Variants in PROK1 observed in about 807,000 individuals in gnomAD.
The protein encoded by PROK1 is prokineticin 1.
In PROK1, 10 loss-of-function variants were observed where a neutral mutation model predicts 8.8. The ratio of observed to expected loss-of-function variants is 1.13; its 90% confidence interval spans 0.70 to 1.92. The LOEUF (loss-of-function observed/expected upper bound fraction) is 1.92. PROK1 is among the 30% of genes most tolerant of loss of function. The pLI is 0.00. For synonymous variants in PROK1, 57 were observed against 56.0 expected, an observed-to-expected ratio of 1.02 and a Z score of -0.08; for missense variants, 140 against 139.7, an observed-to-expected ratio of 1.00 and a Z score of -0.01.
At chr1:110,455,286 T>G (rs1481746743) in intron 2 of PROK1, among the ~76,000 whole-genome samples, 1 of 152,236 alleles carries the variant, frequency 6.6e-6, no homozygotes, top group East Asian at 1.9e-4. Flanking sequence ...CTTTCAGGCT[T>G]ACCAGCTGTC....
At position 110,456,802 on chromosome 1, in the gene PROK1, G is replaced by A. The variant is rs1664180942; in HGVS notation, c.*451G>A. The A allele has an allele frequency of 7.9e-6, 2 of 252,940 alleles. No individual in the cohort carries two copies. The highest frequency in any genetic ancestry group is 9.4e-5 in the East Asian group (1 of 10,614). 15.7% of individuals were successfully genotyped at this position (252,940 alleles called of 1,614,324 possible). A position where few individuals can be genotyped will look rare whatever the true frequency, so the allele number is the denominator to read the frequency against. On this transcript the variant is annotated 3_prime_UTR_variant, in exon 3 of 3. Coordinates refer to ENST00000271331, the MANE Select transcript of PROK1 (RefSeq NM_032414.3). Reference sequence around the variant, plus strand: ...CTGACCCTCAGGCCCTTCACGTGAGGTCTGTGAGGACCAATTTGTGGGTAG... The same window carrying A: ...CTGACCCTCAGGCCCTTCACGTGAGATCTGTGAGGACCAATTTGTGGGTAG...
chr1:110,451,629 A>C (rs1478081587), intron 1 of PROK1, among the ~76,000 whole-genome samples: 1 of 152,200 alleles, frequency 6.6e-6, no homozygotes, highest in East Asian at 1.9e-4. Context: ...GCAAACCTTA[A>C]CTTATCTTTT....
chr1:110,453,004 G>T (rs952829992), intron 1 of PROK1, among the ~76,000 whole-genome samples: 1 of 152,050 alleles, frequency 6.6e-6, no homozygotes, highest in Non-Finnish European at 1.5e-5. Flanking sequence ...TCCTCTGCAT[G>T]ATCTGTGGAG....
In PROK1 at chr1:110,451,161, G is replaced by A. The variant is rs765953691; in HGVS notation, c.-56G>A. ...CAGCTTGCCAGGCACAAGGCTGAGC[G>A]GGAGGAAGCGAGAGGCATCTAAGCA... On this transcript the variant is annotated 5_prime_UTR_variant, in exon 1 of 3. Coordinates refer to ENST00000271331, the MANE Select transcript of PROK1 (RefSeq NM_032414.3). 19 of 1,544,456 alleles carry A rather than the reference G, an allele frequency of 1.2e-5. No individual in the cohort carries two copies. Among genetic ancestry groups the A allele is most frequent in the African/African-American group, 9.5e-5 (7 of 73,404 alleles).
chr1:110,454,236 C>CTGG, intron 2 of PROK1, 150 bp downstream of exon 2: 1 of 1,017,184 alleles, frequency 9.8e-7, no homozygotes, highest in Non-Finnish European at 1.4e-6. Context: ...CAGAGGACTT[C>CTGG]ACCCTCCTCT....
At position 110,454,030 on chromosome 1, in the gene PROK1, C is replaced by A. The variant is rs62623571; in HGVS notation, c.142C>A (p.Arg48=). The A allele has an allele frequency of 6.2e-7, 1 of 1,614,090 alleles. No individual in the cohort carries two copies. The highest frequency in any genetic ancestry group is 8.5e-7 in the Non-Finnish European group (1 of 1,180,000). Residue 48 remains arginine (R), a synonymous_variant, in exon 2 of 3, where the codon CGG becomes AGG. Coordinates refer to ENST00000271331, the MANE Select transcript of PROK1 (RefSeq NM_032414.3). ...CAISLWLRGL[R]MCTPLGREGE... ...CATCAGCCTGTGGCTTCGAGGGCTG[C>A]GGATGTGCACCCCGCTGGGGCGGGA...
intron 1 of PROK1, 133 bp downstream of exon 1, chr1:110,451,421 T>C (rs1260351258): frequency 7.7e-6 from 6 of 779,560 alleles, no homozygotes; most frequent in Non-Finnish European, 1.3e-5. Context: ...TGGGGAATTA[T>C]GCATTAAAGG....
chr1:110,454,146 G>A, intron 2 of PROK1, 60 bp downstream of exon 2: 8 of 1,586,338 alleles, frequency 5.0e-6, no homozygotes, highest in Non-Finnish European at 6.9e-6. Context: ...GGAGCAGAGG[G>A]TGATGTCCTG....
chr1:110,453,349 G>A lies in PROK1; in HGVS notation c.73-612G>A, dbSNP rs529253105. On this transcript the variant is annotated intron_variant, in intron 1 of 2. Transcript: ENST00000271331. Reference sequence around the variant, plus strand: ...TACCTTCCCCAAACCAGGCAGGGCCGCTCAGCTCCTGTTCTGCGATCCTCT... The same window carrying A: ...TACCTTCCCCAAACCAGGCAGGGCCACTCAGCTCCTGTTCTGCGATCCTCT... Among the ~76,000 whole-genome samples, 10 of 152,258 alleles carry A rather than the reference G, an allele frequency of 6.6e-5. No homozygotes were observed. In the East Asian group the frequency reaches 1.4e-3, roughly 21 times the overall value.
chr1:110,455,582 C>T (rs571405106), intron 2 of PROK1, among the ~76,000 whole-genome samples: 7 of 152,208 alleles, frequency 4.6e-5, no homozygotes, highest in Admixed American at 1.3e-4. Context: ...TTCCTGTATG[C>T]CACCCTTCAT....
rs1194881309 is a variant in PROK1 at position 110,456,582 on chromosome 1, C to T, written c.*231C>T. ...CTTGAGGCTGTGGTGTGAAAGGTGG[C>T]CAGCCTGGTTCTCTTCCCTGCTCAG... On this transcript the variant is annotated 3_prime_UTR_variant, in exon 3 of 3. Transcript: ENST00000271331. The T allele has an allele frequency of 3.4e-6, 2 of 586,924 alleles. No homozygotes were observed. Among genetic ancestry groups the T allele is most frequent in the African/African-American group, 3.7e-5 (2 of 54,076 alleles). 36.4% of individuals were successfully genotyped at this position (586,924 alleles called of 1,614,324 possible).
intron 1 of PROK1, among the ~76,000 whole-genome samples, chr1:110,453,188 G>A (rs753397453): frequency 1.6e-4 from 24 of 152,228 alleles, no homozygotes; most frequent in Non-Finnish European, 3.1e-4. Flanking sequence ...AGAATGGCAA[G>A]TGTGGATGCT....
chr1:110,452,317 G>A (rs1267130388), intron 1 of PROK1, among the ~76,000 whole-genome samples: 1 of 152,206 alleles, frequency 6.6e-6, no homozygotes, highest in Non-Finnish European at 1.5e-5. Context: ...TATTAAAGGC[G>A]AGTCAAATGC....
chr1:110,454,285 A>G (rs1664136957), intron 2 of PROK1, among the ~76,000 whole-genome samples, 199 bp downstream of exon 2: 1 of 152,200 alleles, frequency 6.6e-6, no homozygotes, highest in Admixed American at 6.5e-5. Flanking sequence ...CTGAATGTCC[A>G]AGGGGAAGCA....
chr1:110,451,797 T>G (rs1256817987), intron 1 of PROK1, among the ~76,000 whole-genome samples: 1 of 152,168 alleles, frequency 6.6e-6, no homozygotes, highest in Non-Finnish European at 1.5e-5. Context: ...AGAAAGGATA[T>G]CTTTGAAACT....
At chr1:110,453,932 A>G (rs774210245) in intron 1 of PROK1, 29 bp from the exon 2 acceptor site, 20 of 1,613,902 alleles carry the variant, frequency 1.2e-5, no homozygotes, top group Non-Finnish European at 1.4e-5. Context: ...TGCACTAATG[A>G]ACTGTTCCCT....
At chr1:110,455,017 T>C (rs1023882799) in intron 2 of PROK1, among the ~76,000 whole-genome samples, 1 of 152,202 alleles carries the variant, frequency 6.6e-6, no homozygotes, top group Admixed American at 6.5e-5. Flanking sequence ...CAGAGTCCTC[T>C]GGAGCCACAG....
Position 110,456,516 on chromosome 1 carries a change from C to T in PROK1, c.*165C>T. 1.2e-6 allele frequency: 1 copy of T among 865,168 alleles called. No homozygotes were observed. The allele number at this position is 865,168 out of a possible 1,614,324, so 53.6% of individuals were successfully genotyped here. ...TATGCACACAGGCAGACATACCTCC[C>T]ATCATGACATGGTCCCCAGGCTGGC... is the stretch of plus-strand genomic sequence containing the variant. On this transcript the variant is annotated 3_prime_UTR_variant, in exon 3 of 3. Transcript: ENST00000271331.
In PROK1 at chr1:110,453,976, G is replaced by A. The variant is rs1202018938; in HGVS notation, c.88G>A (p.Val30Ile). ...AVITGACERD[V>I]QCGAGTCCAI... The stretch of plus-strand genomic sequence containing the variant: ...CCTCCTACAGGCCTGTGAGCGGGAT[G>A]TCCAGTGTGGGGCAGGCACCTGCTG... Residue 30 changes from valine (V) to isoleucine (I), a missense_variant, in exon 2 of 3, where the codon GTC (valine) becomes ATC (isoleucine). Val to Ile is a conservative substitution (Grantham distance 29). Transcript: ENST00000271331. 3 of 1,614,242 alleles carry A rather than the reference G, an allele frequency of 1.9e-6. No homozygotes were observed.
Sources: gnomAD v4.1 joint callset for allele counts (sites outside exome capture counted in the v4.1 genomes callset) on GRCh38, gnomAD v4.1.1 for gene constraint, MANE v1.5 for transcripts, NCBI Gene and HGNC (gene_info 2026-07-23, HGNC 2026-07-21) for gene names.